The following SLCO3A1 variants were observed in gnomAD, a reference collection of about 807,000 sequenced individuals.
The protein encoded by SLCO3A1 is PGE1 transporter.
Under a neutral mutation model 63.1 loss-of-function variants are expected in SLCO3A1, and 27 were observed. The observed-to-expected ratio is 0.43, with a 90% CI of 0.32 to 0.59. The LOEUF (loss-of-function observed/expected upper bound fraction) is 0.59, where lower values mean the gene tolerates loss of function less well. Among genes scored for constraint, SLCO3A1 ranks in the 20% least tolerant of loss-of-function variants. The probability of loss-of-function intolerance (pLI) is 0.09; values close to 1 mark genes in which losing one functional copy is unlikely to be tolerated. For missense variants in SLCO3A1, 773 were observed against 945.8 expected, an observed-to-expected ratio of 0.82 and a Z score of 2.40; for synonymous variants, 473 against 409.9, an observed-to-expected ratio of 1.15 and a Z score of -1.86.
At chr15:92,135,774 A>G (rs1360985626) in intron 7 of SLCO3A1, among the ~76,000 whole-genome samples, 1 of 152,250 alleles carries the variant, frequency 6.6e-6, no homozygotes, top group African/African-American at 2.4e-5. Context: ...CTCAGCTATT[A>G]GAACATCAGG....
chr15:91,962,687 C>T (rs28488133), intron 2 of SLCO3A1, among the ~76,000 whole-genome samples: 2,670 of 151,960 alleles, frequency 0.018, 86 homozygotes, highest in African/African-American at 0.059. Flanking sequence ...GTTTAGGAGC[C>T]TCTTGGTGAT....
rs2048478074 is a variant in SLCO3A1 at position 92,164,649 on chromosome 15, G to A, written c.*1514G>A. 1.0e-6 allele frequency: 1 copy of A among 985,288 alleles called. No homozygotes were observed. The highest frequency in any genetic ancestry group is 1.2e-6 in the Non-Finnish European group (1 of 829,940). The allele number at this position is 985,288 out of a possible 1,614,324, so 61.0% of individuals were successfully genotyped here. ...CGAATAGACCCACAAGCTCCTGGAAGCTGTCGTGTGTCCAATGCGTGAAAA... is the reference window on the plus strand; with the variant it reads ...CGAATAGACCCACAAGCTCCTGGAAACTGTCGTGTGTCCAATGCGTGAAAA... On this transcript the variant is annotated 3_prime_UTR_variant, in exon 10 of 10. Coordinates refer to ENST00000318445, the MANE Select transcript of SLCO3A1 (RefSeq NM_013272.4).
At chr15:91,913,051 C>T (rs1352221803) in intron 1 of SLCO3A1, among the ~76,000 whole-genome samples, 3 of 152,202 alleles carry the variant, frequency 2.0e-5, no homozygotes, top group South Asian at 4.1e-4. Flanking sequence ...TTGCCCAGAC[C>T]CTTCAGACAG....
chr15:91,887,996 C>G (rs1897769917), intron 1 of SLCO3A1, among the ~76,000 whole-genome samples: 1 of 152,208 alleles, frequency 6.6e-6, no homozygotes, highest in Admixed American at 6.5e-5. Flanking sequence ...GAAGGAGAAG[C>G]CAAATAAACC....
chr15:92,063,218 A>G (rs1225769752), intron 2 of SLCO3A1, among the ~76,000 whole-genome samples: 1 of 152,200 alleles, frequency 6.6e-6, no homozygotes. Context: ...GGACCTCAGC[A>G]AAGATGGATG....
chr15:92,142,166 AT>A (rs1402851453), intron 7 of SLCO3A1, among the ~76,000 whole-genome samples: 6 of 152,194 alleles, frequency 3.9e-5, no homozygotes, highest in Admixed American at 2.6e-4. Flanking sequence ...ACAAACAGAC[AT>A]TTTCATTGGT....
rs568621706 is a variant in SLCO3A1, at chr15:91,984,616, A to G, written c.646+68158A>G. Among the ~76,000 whole-genome samples the G allele has an allele frequency of 2.6e-5, 4 of 152,242 alleles. No homozygotes were observed. In the South Asian group the frequency reaches 8.3e-4, roughly 32 times the overall value. On this transcript the variant is annotated intron_variant, in intron 2 of 9. Coordinates refer to ENST00000318445, the MANE Select transcript of SLCO3A1 (RefSeq NM_013272.4). ...ATAAAATAATCAAACGTACATAAAAAGAGGAGATAAAGGTGAAATAAACAG... is the reference window on the plus strand; with the variant it reads ...ATAAAATAATCAAACGTACATAAAAGGAGGAGATAAAGGTGAAATAAACAG...
At chr15:92,139,719 C>G (rs11629555) in intron 7 of SLCO3A1, among the ~76,000 whole-genome samples, 14,900 of 152,024 alleles carry the variant, frequency 0.098, 855 homozygotes, top group Admixed American at 0.19. Flanking sequence ...GTGTATGTGT[C>G]GAGGAATTTA....
At chr15:91,943,164 C>T (rs1899681806) in intron 2 of SLCO3A1, among the ~76,000 whole-genome samples, 1 of 152,202 alleles carries the variant, frequency 6.6e-6, no homozygotes, top group South Asian at 2.1e-4. Context: ...GTTAAGGACA[C>T]TCCCAGTGTT....
intron 3 of SLCO3A1, among the ~76,000 whole-genome samples, chr15:92,099,689 AG>A (rs1294809199): frequency 6.6e-6 from 1 of 152,208 alleles, no homozygotes; most frequent in East Asian, 1.9e-4. Context: ...AGCTGTCAAC[AG>A]CTCTCAATTC....
Position 91,854,321 on chromosome 15 carries a change from C to T in SLCO3A1, c.180+233C>T. ...ATGCCGGTAGCAGCTCGCGCGCGTC[C>T]GGCTGGGGCAGGGGGTGCCGGGGGA... On this transcript the variant is annotated intron_variant, in intron 1 of 9. Transcript: ENST00000318445. The surrounding 1 kb of genome is among the most constrained non-coding windows in gnomAD (Gnocchi z 6.4). The T allele has an allele frequency of 9.7e-7, 1 of 1,033,794 alleles. No individual in the cohort carries two copies. The highest frequency in any genetic ancestry group is 7.2e-5 in the East Asian group (1 of 13,982). The allele number at this position is 1,033,794 out of a possible 1,614,324, so 64.0% of individuals were successfully genotyped here.
chr15:92,011,842 G>A (rs890211772), intron 2 of SLCO3A1, among the ~76,000 whole-genome samples: 14 of 152,272 alleles, frequency 9.2e-5, no homozygotes, highest in Non-Finnish European at 1.8e-4. Context: ...CTCTAGTGAT[G>A]TGAACAGAGC....
chr15:92,060,790 G>A (rs2047078093), intron 2 of SLCO3A1, among the ~76,000 whole-genome samples: 1 of 152,138 alleles, frequency 6.6e-6, no homozygotes, highest in Non-Finnish European at 1.5e-5. Flanking sequence ...ATGAGCCACT[G>A]TGCCCGGCCG....
At chr15:91,899,079 T>G (rs998203404) in intron 1 of SLCO3A1, among the ~76,000 whole-genome samples, 1 of 152,216 alleles carries the variant, frequency 6.6e-6, no homozygotes, top group Non-Finnish European at 1.5e-5. Context: ...CAATGAGGTT[T>G]AAACAGCATT....
chr15:92,089,528 T>C (rs944216778), intron 2 of SLCO3A1, among the ~76,000 whole-genome samples: 11 of 152,220 alleles, frequency 7.2e-5, no homozygotes, highest in Admixed American at 6.5e-4. Context: ...TTCACTGCTA[T>C]GTCCCATAGT....
Position 92,165,593 on chromosome 15 carries a change from A to G in SLCO3A1, c.*2458A>G, listed in dbSNP as rs2048487725. On this transcript the variant is annotated 3_prime_UTR_variant, in exon 10 of 10. Coordinates refer to ENST00000318445, the MANE Select transcript of SLCO3A1 (RefSeq NM_013272.4). ...TGAATGTGAAAAAGATGTTAGAATA[A>G]CAGGAAGACAACTCCAGGGCTGAGT... 1.0e-6 allele frequency: 1 copy of G among 985,204 alleles called. No homozygotes were observed. Among genetic ancestry groups the G allele is most frequent in the East Asian group, 1.1e-4 (1 of 8,804 alleles). 61.0% of individuals were successfully genotyped at this position (985,204 alleles called of 1,614,324 possible).
chr15:92,062,133 T>G lies in SLCO3A1; in HGVS notation c.647-32748T>G, dbSNP rs114532230. Among the ~76,000 whole-genome samples, 631 of 152,268 alleles carry G rather than the reference T, an allele frequency of 4.1e-3. 6 individuals are homozygous for G. Among genetic ancestry groups the G allele is most frequent in the African/African-American group, 0.015 (606 of 41,538 alleles). Reference sequence around the variant, plus strand: ...GAAATCCAACTGAGGAAGACCTGAGTGTTACCTAACTCTGAGCCTTCAAAA... The same window carrying G: ...GAAATCCAACTGAGGAAGACCTGAGGGTTACCTAACTCTGAGCCTTCAAAA... On this transcript the variant is annotated intron_variant, in intron 2 of 9. Coordinates refer to ENST00000318445, the MANE Select transcript of SLCO3A1 (RefSeq NM_013272.4).
Position 91,983,058 on chromosome 15 carries a change from T to A in SLCO3A1, c.646+66600T>A, listed in dbSNP as rs75402266. On this transcript the variant is annotated intron_variant, in intron 2 of 9. Transcript: ENST00000318445. ...GTGGATGATCCTCTCCAGGTATCCC[T>A]TGGTCTTATTTCCATTAAGCTGGAG... Among the ~76,000 whole-genome samples the A allele has an allele frequency of 5.9e-3, 896 of 152,346 alleles. 11 individuals carry two copies. Among genetic ancestry groups the A allele is most frequent in the African/African-American group, 0.021 (859 of 41,580 alleles).
At chr15:91,921,377 T>C (rs1188742733) in intron 2 of SLCO3A1, among the ~76,000 whole-genome samples, 1 of 152,162 alleles carries the variant, frequency 6.6e-6, no homozygotes, top group African/African-American at 2.4e-5. Context: ...TACTGGGGGT[T>C]AGGGCTTCAA....
Sources: gnomAD v4.1 joint callset for allele counts (sites outside exome capture counted in the v4.1 genomes callset) on GRCh38, gnomAD v4.1.1 for gene constraint, Gnocchi (gnomAD v3.1) non-coding constraint, MANE v1.5 for transcripts, NCBI Gene and HGNC (gene_info 2026-07-23, HGNC 2026-07-21) for gene names.